FBN2: variants seen among roughly 807,000 people sequenced by gnomAD.
The protein encoded by FBN2 is fibrillin 2, also known as fibrillin-2.
Under a neutral mutation model 355.6 loss-of-function variants are expected in FBN2, and 105 were observed. That is an observed-to-expected ratio of 0.30 (90% CI 0.25 to 0.35). The LOEUF (loss-of-function observed/expected upper bound fraction) is 0.35. FBN2 is among the 10% of genes least tolerant of loss of function. The pLI is 1.00. For synonymous variants in FBN2, 1,350 were observed against 1,301.2 expected, an observed-to-expected ratio of 1.04 and a Z score of -0.81; for missense variants, 3,280 against 3,758.7, an observed-to-expected ratio of 0.87 and a Z score of 3.33.
At chr5:128,367,057 C>T (rs1265953791) in intron 16 of FBN2, among the ~76,000 whole-genome samples, 1 of 152,134 alleles carries the variant, frequency 6.6e-6, no homozygotes, top group Non-Finnish European at 1.5e-5. Context: ...AGAGGTATCA[C>T]ATTTATTCAG....
chr5:128,493,560 A>G, intron 5 of FBN2, among the ~76,000 whole-genome samples: 1 of 152,166 alleles, frequency 6.6e-6, no homozygotes. Flanking sequence ...ATAATCCTTC[A>G]TAAAGGGCCT....
rs75661643 is a variant in FBN2 at position 128,493,177 on chromosome 5, G to C, written c.628+26096C>G. 3.9e-3 allele frequency among the ~76,000 whole-genome samples: 596 copies of C among 152,214 alleles called. 4 individuals carry two copies. The highest frequency in any genetic ancestry group is 0.013 in the African/African-American group (549 of 41,542). ...TAGATGTACACAGTAAGTGTAATGA[G>C]GGATTCTGAGAGGGGGACTCACTCT... is the stretch of plus-strand genomic sequence containing the variant. On this transcript the variant is annotated intron_variant, in intron 5 of 64. Coordinates refer to ENST00000262464, the MANE Select transcript of FBN2 (RefSeq NM_001999.4).
At position 128,305,952 on chromosome 5, in the gene FBN2, A is replaced by T; in HGVS notation, c.5423-4T>A. On this transcript the variant is annotated splice_polypyrimidine_tract_variant and splice_region_variant and intron_variant, in intron 42 of 64. Transcript: ENST00000262464. ...ATCTCTTTACATTCATCAATGTCTG[A>T]AATGGAACAGATTTGGTCAAATATA... 1 of 1,613,360 alleles carries T rather than the reference A, an allele frequency of 6.2e-7. No individual in the cohort carries two copies. The highest frequency in any genetic ancestry group is 8.5e-7 in the Non-Finnish European group (1 of 1,179,302).
intron 26 of FBN2, among the ~76,000 whole-genome samples, chr5:128,338,697 A>T (rs1251967556): frequency 6.6e-6 from 1 of 152,226 alleles, no homozygotes; most frequent in Admixed American, 6.5e-5. Context: ...AGATTCTATG[A>T]ATAAACAGGA....
chr5:128,518,234 T>C (rs902817644), intron 5 of FBN2, among the ~76,000 whole-genome samples: 1 of 152,128 alleles, frequency 6.6e-6, no homozygotes, highest in Non-Finnish European at 1.5e-5. Flanking sequence ...TCTAGAATCC[T>C]TGAAACATAA....
At chr5:128,427,250 C>T (rs1297478788) in intron 7 of FBN2, among the ~76,000 whole-genome samples, 3 of 152,168 alleles carry the variant, frequency 2.0e-5, no homozygotes, top group South Asian at 2.1e-4. Context: ...AGAGAAAGTC[C>T]AGGCACATAG....
At chr5:128,412,321 G>A (rs1753090070) in intron 7 of FBN2, among the ~76,000 whole-genome samples, 2 of 152,212 alleles carry the variant, frequency 1.3e-5, no homozygotes, top group South Asian at 4.1e-4. Flanking sequence ...GGATACAGCA[G>A]CTTTAGGCTA....
At chr5:128,368,540 C>T (rs906004223) in intron 16 of FBN2, among the ~76,000 whole-genome samples, 1 of 145,282 alleles carries the variant, frequency 6.9e-6, no homozygotes, top group Non-Finnish European at 1.5e-5. Context: ...GTGTTTATAA[C>T]CTTGAAAGTG....
intron 24 of FBN2, 78 bp from the exon 25 acceptor site, chr5:128,344,588 T>C: frequency 2.2e-6 from 3 of 1,393,446 alleles, no homozygotes; most frequent in Non-Finnish European, 2.0e-6. Context: ...TAAAAATCTA[T>C]CATGATGGAC....
chr5:128,395,783 CTAGAGAA>C (rs1752635950), intron 8 of FBN2, among the ~76,000 whole-genome samples: 1 of 152,172 alleles, frequency 6.6e-6, no homozygotes, highest in African/African-American at 2.4e-5. Flanking sequence ...GCCACTATGA[CTAGAGAA>C]CAGCATGTGG....
At chr5:128,390,480 A>G (rs566177098) in intron 11 of FBN2, among the ~76,000 whole-genome samples, 1 of 152,330 alleles carries the variant, frequency 6.6e-6, no homozygotes, top group African/African-American at 2.4e-5. Flanking sequence ...CAGTCAATAC[A>G]ATGAACTCAC....
At chr5:128,474,076 T>C (rs1233758891) in intron 5 of FBN2, among the ~76,000 whole-genome samples, 1 of 152,186 alleles carries the variant, frequency 6.6e-6, no homozygotes, top group African/African-American at 2.4e-5. Context: ...AAAATTGCTA[T>C]CTTTGATGTC....
chr5:128,500,741 G>A (rs1755788629), intron 5 of FBN2, among the ~76,000 whole-genome samples: 1 of 152,096 alleles, frequency 6.6e-6, no homozygotes, highest in Non-Finnish European at 1.5e-5. Context: ...ATCGCGCCCG[G>A]CCGAAATCTG....
chr5:128,527,154 T>C (rs1051116656), intron 4 of FBN2, among the ~76,000 whole-genome samples: 1 of 152,188 alleles, frequency 6.6e-6, no homozygotes, highest in African/African-American at 2.4e-5. Flanking sequence ...TAAGGTGACA[T>C]TACTTCAAAA....
Position 128,527,906 on chromosome 5 carries a change from G to A in FBN2, c.498C>T (p.Cys166=). The A allele has an allele frequency of 6.2e-7, 1 of 1,611,996 alleles. No individual in the cohort carries two copies. The highest frequency in any genetic ancestry group is 8.5e-7 in the Non-Finnish European group (1 of 1,178,524). Residue 166 remains cysteine, a synonymous_variant, in exon 4 of 65, where the codon TGC becomes TGT. Transcript: ENST00000262464. ...GGTCADDHCQ[C]QKGYIGTYCG... ...AATAAGTTCCAATATATCCTTTCTGGCACTGGCAGTGGTCATCTGCACAGG... is the reference window on the plus strand; with the variant it reads ...AATAAGTTCCAATATATCCTTTCTGACACTGGCAGTGGTCATCTGCACAGG...
chr5:128,448,794 G>T (rs1001205665), intron 6 of FBN2, among the ~76,000 whole-genome samples: 1 of 151,944 alleles, frequency 6.6e-6, no homozygotes, highest in Non-Finnish European at 1.5e-5. Context: ...TGTGAAAGTT[G>T]TCTATATTCC....
Position 128,349,490 on chromosome 5 carries a change from A to G in FBN2, c.2864-18T>C. 2.5e-6 allele frequency: 4 copies of G among 1,613,366 alleles called. No homozygotes were observed. Among genetic ancestry groups the G allele is most frequent in the Non-Finnish European group, 3.4e-6 (4 of 1,179,610 alleles). On this transcript the variant is annotated intron_variant, in intron 22 of 64. Transcript: ENST00000262464. ...ATTAACATCTGCAGGGAAATGCAGC[A>G]AGCAGAGGAGCAAAGATGTTACAAA...
In FBN2 at chr5:128,347,974, G is replaced by GC. The variant is rs988596176; in HGVS notation, c.2989+1372_2989+1373insG. On this transcript the variant is annotated intron_variant, in intron 23 of 64. Transcript: ENST00000262464. ...TTATATTTTTAGTAGAGACGGGGAG[G>GC]GGGGGGTTCCCCATGTTGCCCAGGC... Among the ~76,000 whole-genome samples the GC allele has an allele frequency of 5.9e-5, 9 of 151,466 alleles. No homozygotes were observed. The East Asian group carries it at 1.6e-3, about 26-fold the overall frequency.
chr5:128,526,517 T>C (rs1409741855), intron 4 of FBN2, among the ~76,000 whole-genome samples: 1 of 152,094 alleles, frequency 6.6e-6, no homozygotes, highest in Non-Finnish European at 1.5e-5. Flanking sequence ...AAACAAAATG[T>C]GGTATATTCA....
Sources: allele counts gnomAD v4.1 joint callset (sites outside exome capture counted in the v4.1 genomes callset), GRCh38; gene constraint gnomAD v4.1.1; transcripts MANE v1.5; gene names NCBI Gene and HGNC (gene_info 2026-07-23, HGNC 2026-07-21).